CPLANE1: variants seen among roughly 807,000 people sequenced by gnomAD.
The protein encoded by CPLANE1 is ciliogenesis and planar polarity effector 1.
A neutral mutation model predicts 362.5 loss-of-function variants in CPLANE1; 263 were observed. That is an observed-to-expected ratio of 0.73 (90% CI 0.66 to 0.80). CPLANE1 has a LOEUF of 0.80. CPLANE1 is among the 30% of genes least tolerant of loss of function. The probability of loss-of-function intolerance (pLI) is 0.00; values close to 1 mark genes in which losing one functional copy is unlikely to be tolerated. For synonymous variants in CPLANE1, 1,212 were observed against 1,302.6 expected, an observed-to-expected ratio of 0.93 and a Z score of 1.50; for missense variants, 3,461 against 3,793.4, an observed-to-expected ratio of 0.91 and a Z score of 2.30.
the CPLANE1 span, among the ~76,000 whole-genome samples, chr5:37,096,145 C>T: frequency 1.3e-5 from 2 of 152,094 alleles, no homozygotes; most frequent in Admixed American, 1.3e-4. Context: ...AATCAACAAA[C>T]CTAGAGGCAT....
chr5:37,212,347 G>A (rs558363676), intron 16 of CPLANE1: 5 of 854,440 alleles, frequency 5.9e-6, no homozygotes, highest in African/African-American at 3.3e-5. Context: ...AGTTTAACAC[G>A]CTTTTCTCAT....
rs768316097 is a variant in CPLANE1 at position 37,168,962 on chromosome 5, G to C, written c.7062C>G (p.His2354Gln). 9.9e-6 allele frequency: 16 copies of C among 1,614,138 alleles called. No individual in the cohort carries two copies. In the South Asian group the frequency reaches 1.8e-4, roughly 18 times the overall value. Reference protein sequence around the residue: ...VKPGTLEISPHHSFGLPLLYL... With the variant: ...VKPGTLEISPQHSFGLPLLYL... ...ATAGTAACGGAAGTCCAAAGGAATGGTGAGGAGATATCTCAAGGGTCCCTG... is the reference window on the plus strand; with the variant it reads ...ATAGTAACGGAAGTCCAAAGGAATGCTGAGGAGATATCTCAAGGGTCCCTG... The change falls in exon 34 of 53, where the codon CAC (histidine) becomes CAG (glutamine). Residue 2354 changes from histidine to glutamine, a missense_variant. Physicochemically the swap from His to Gln is conservative, Grantham distance 24. Transcript: ENST00000651892.
At chr5:37,178,289 CAAAAAT>C (rs961190170) in intron 29 of CPLANE1, among the ~76,000 whole-genome samples, 30 of 149,564 alleles carry the variant, frequency 2.0e-4, no homozygotes, top group Non-Finnish European at 3.7e-4. Flanking sequence ...AAGACTGTCT[CAAAAAT>C]AAAAATAAAA....
chr5:37,154,851 C>G (rs1202651163), intron 41 of CPLANE1, among the ~76,000 whole-genome samples: 1 of 152,096 alleles, frequency 6.6e-6, no homozygotes, highest in Non-Finnish European at 1.5e-5. Flanking sequence ...TTAGGTTGTC[C>G]CATAAGCATA....
chr5:37,084,671 T>C, the CPLANE1 span, among the ~76,000 whole-genome samples: 1 of 151,794 alleles, frequency 6.6e-6, no homozygotes, highest in East Asian at 1.9e-4. Flanking sequence ...TCCCAGCTAC[T>C]CAGGAGGCTG....
At chr5:37,129,623 T>C (rs1483321355) in intron 46 of CPLANE1, among the ~76,000 whole-genome samples, 2 of 151,940 alleles carry the variant, frequency 1.3e-5, no homozygotes, top group African/African-American at 4.8e-5. Flanking sequence ...GATATACAAA[T>C]GGCCAACAAA....
chr5:37,200,383 A>G (rs1437102411), intron 19 of CPLANE1, among the ~76,000 whole-genome samples: 1 of 152,242 alleles, frequency 6.6e-6, no homozygotes, highest in Non-Finnish European at 1.5e-5. Context: ...AAAACTTTAA[A>G]TGTCATTTCA....
chr5:37,209,249 C>A lies in CPLANE1; in HGVS notation c.2921-2824G>T. ...TCCTCCCGACCCCTCAGGACAGAAG[C>A]AGGGCTCTGGAGGGCAGGGATTCCC... On this transcript the variant is annotated intron_variant, in intron 16 of 52. Transcript: ENST00000651892. This position sits in a 1 kb window ranked among gnomAD's most constrained non-coding sequence, Gnocchi z 4.6. The A allele has an allele frequency of 1.5e-6, 1 of 663,108 alleles. No individual in the cohort carries two copies. 41.1% of individuals were successfully genotyped at this position (663,108 alleles called of 1,614,324 possible). A position where few individuals can be genotyped will look rare whatever the true frequency, so the allele number is the denominator to read the frequency against.
rs1783614737 is a variant in CPLANE1 at position 37,185,038 on chromosome 5, T to C, written c.4231A>G (p.Ile1411Val). Residue 1411 changes from isoleucine to valine, a missense_variant, in exon 25 of 53, where the codon ATC becomes GTC. This residue lies in a region of CPLANE1 where 3,380 missense variants were observed against 3,666.1 expected (regional missense o/e 0.92). Coordinates refer to ENST00000651892, the MANE Select transcript of CPLANE1 (RefSeq NM_001384732.1). ...AGAGCTTTCACCCTCACTTTCTGGATAGAATGCATGACAACAGACATCATT... is the reference window on the plus strand; with the variant it reads ...AGAGCTTTCACCCTCACTTTCTGGACAGAATGCATGACAACAGACATCATT... ...EEMMSVVMHS[I>V]QKVRVKALKR... 1.2e-6 allele frequency: 2 copies of C among 1,613,782 alleles called. No individual in the cohort carries two copies. The highest frequency in any genetic ancestry group is 1.7e-5 in the Admixed American group (1 of 59,960).
At chr5:37,207,659 G>A (rs1201101387) in intron 16 of CPLANE1, among the ~76,000 whole-genome samples, 1 of 152,086 alleles carries the variant, frequency 6.6e-6, no homozygotes. Flanking sequence ...AAAATCCATG[G>A]TTCTACGACT....
chr5:37,186,137 G>A (rs1282308348), intron 24 of CPLANE1, 149 bp downstream of exon 24: 3 of 487,804 alleles, frequency 6.2e-6, no homozygotes, highest in African/African-American at 6.0e-5. Context: ...TTCTGCAATG[G>A]AGAAATGTTT....
downstream of CPLANE1, among the ~76,000 whole-genome samples, chr5:37,103,278 G>C (rs1757384923): frequency 6.6e-6 from 1 of 152,062 alleles, no homozygotes; most frequent in Non-Finnish European, 1.5e-5. Context: ...TGTGAGATGT[G>C]TCTCTTGAAG....
chr5:37,224,471 C>T lies in CPLANE1; in HGVS notation c.2500+61G>A, dbSNP rs943546113. 5 of 1,350,928 alleles carry T rather than the reference C, an allele frequency of 3.7e-6. No individual in the cohort carries two copies. In the African/African-American group the frequency reaches 7.3e-5, roughly 20 times the overall value. The allele number at this position is 1,350,928 out of a possible 1,614,324, so 83.7% of individuals were successfully genotyped here. ...AAATCATTACAACCAATTAGAAATT[C>T]AAAGTCTGGTTAACTATGTCATTTA... On this transcript the variant is annotated intron_variant, in intron 13 of 52. Coordinates refer to ENST00000651892, the MANE Select transcript of CPLANE1 (RefSeq NM_001384732.1).
rs184065356 is a variant in CPLANE1, at chr5:37,214,184, G to A, written c.2747-452C>T. 1.5e-3 allele frequency among the ~76,000 whole-genome samples: 229 copies of A among 152,180 alleles called. 2 individuals carry two copies. Among genetic ancestry groups the A allele is most frequent in the African/African-American group, 5.2e-3 (217 of 41,540 alleles). Reference sequence around the variant, plus strand: ...AAAAAGTTAAAATTTATCAAAATTGGCTGGGTACAGTGGCTTACACCTATA... The same window carrying A: ...AAAAAGTTAAAATTTATCAAAATTGACTGGGTACAGTGGCTTACACCTATA... On this transcript the variant is annotated intron_variant, in intron 15 of 52. Coordinates refer to ENST00000651892, the MANE Select transcript of CPLANE1 (RefSeq NM_001384732.1).
intron 41 of CPLANE1, among the ~76,000 whole-genome samples, chr5:37,155,655 G>T (rs1180672564): frequency 1.3e-5 from 2 of 152,174 alleles, no homozygotes; most frequent in African/African-American, 4.8e-5. Context: ...GATTATAGGC[G>T]TGAGCCACCA....
In CPLANE1 at chr5:37,107,353, T is replaced by G. The variant is rs1757824168; in HGVS notation, c.*249A>C. ...GAAAGGTACTTATCATTTTAAAAAT[T>G]ATGCCTAATGATGCATCAAATACAA... On this transcript the variant is annotated 3_prime_UTR_variant, in exon 53 of 53. Coordinates refer to ENST00000651892, the MANE Select transcript of CPLANE1 (RefSeq NM_001384732.1). 8.3e-7 allele frequency: 1 copy of G among 1,203,402 alleles called. No individual in the cohort carries two copies. Among genetic ancestry groups the G allele is most frequent in the South Asian group, 4.1e-5 (1 of 24,424 alleles). 74.5% of individuals were successfully genotyped at this position (1,203,402 alleles called of 1,614,324 possible).
Position 37,187,496 on chromosome 5 carries a change from G to C in CPLANE1, c.3998C>G (p.Pro1333Arg). The C allele has an allele frequency of 6.2e-7, 1 of 1,613,520 alleles. No individual in the cohort carries two copies. The highest frequency in any genetic ancestry group is 8.5e-7 in the Non-Finnish European group (1 of 1,179,680). The stretch of plus-strand genomic sequence containing the variant: ...TTCCATATTAAAAAACCGAGAGAAA[G>C]GCAGCATTCTATAAGCCCATTCCAC... ...SAVEWAYRML[P>R]FSRFFNMEEL... Residue 1333 changes from proline to arginine, a missense_variant, in exon 23 of 53, where the codon CCT (proline) becomes CGT (arginine). This residue lies in a region of CPLANE1 where 3,380 missense variants were observed against 3,666.1 expected (regional missense o/e 0.92). Coordinates refer to ENST00000651892, the MANE Select transcript of CPLANE1 (RefSeq NM_001384732.1).
intron 16 of CPLANE1, chr5:37,211,345 C>G: frequency 6.6e-7 from 1 of 1,511,162 alleles, no homozygotes; most frequent in South Asian, 1.4e-5. Flanking sequence ...AAAAACTCTG[C>G]CAAAGGCCCA....
intron 37 of CPLANE1, 31 bp from the exon 38 acceptor site, chr5:37,162,597 A>C: frequency 6.8e-7 from 1 of 1,471,646 alleles, no homozygotes; most frequent in Non-Finnish European, 9.5e-7. Flanking sequence ...GGAAGTAATC[A>C]TTGAGAAGCT....
Sources: gnomAD v4.1 joint callset for allele counts (sites outside exome capture counted in the v4.1 genomes callset) on GRCh38, gnomAD v4.1.1 for gene constraint, gnomAD v4.1.1 regional missense constraint, Gnocchi (gnomAD v3.1) non-coding constraint, MANE v1.5 for transcripts, NCBI Gene and HGNC (gene_info 2026-07-23, HGNC 2026-07-21) for gene names.